ZPBP: variants seen among roughly 807,000 people sequenced by gnomAD.
ZPBP encodes the protein zona pellucida-binding protein 1.
ZPBP carries 26 observed loss-of-function variants against 44.8 expected under a neutral mutation model. That is an observed-to-expected ratio of 0.58 (90% CI 0.43 to 0.81). ZPBP has a LOEUF of 0.81. ZPBP is among the 30% of genes least tolerant of loss of function. ZPBP has a pLI of 0.00. For synonymous variants in ZPBP, 174 were observed against 153.2 expected (o/e 1.14, Z -1.00); for missense variants, 409 against 434.0 (o/e 0.94, Z 0.51).
intron 2 of ZPBP, among the ~76,000 whole-genome samples, chr7:49,896,348 G>A (rs774237081): frequency 6.6e-6 from 1 of 152,036 alleles, no homozygotes; most frequent in East Asian, 1.9e-4. Flanking sequence ...TTCAAAAAAA[G>A]GAAAGTATAA....
intron 1 of ZPBP, among the ~76,000 whole-genome samples, chr7:49,901,878 T>C (rs1030346385): frequency 6.6e-6 from 1 of 151,892 alleles, no homozygotes; most frequent in Non-Finnish European, 1.5e-5. Flanking sequence ...ATGAACACTG[T>C]TTGCTAACAC....
At chr7:50,060,975 G>C (rs1801208041) in intron 3 of ZPBP, among the ~76,000 whole-genome samples, 2 of 152,020 alleles carry the variant, frequency 1.3e-5, no homozygotes, top group Non-Finnish European at 2.9e-5. Context: ...AATCAAGTAG[G>C]GTTTATCCCT....
At chr7:49,903,914 C>T (rs542857490) in intron 1 of ZPBP, among the ~76,000 whole-genome samples, 32 of 152,062 alleles carry the variant, frequency 2.1e-4, no homozygotes, top group Non-Finnish European at 4.4e-4. Flanking sequence ...TTATATTCCG[C>T]CTTGAGGAGG....
intron 2 of ZPBP, among the ~76,000 whole-genome samples, chr7:49,898,565 A>G (rs1329282611): frequency 2.0e-5 from 3 of 151,994 alleles, no homozygotes; most frequent in Non-Finnish European, 4.4e-5. Context: ...CTTACAACAC[A>G]TTACATATGT....
Position 49,940,822 on chromosome 7 carries a change from AT to A in ZPBP, c.962-3201del, listed in dbSNP as rs755724455. ...ACCTTCTGACCTGTATGAGAGTCCC[AT>A]GCCTGTGGGATTGGTTTGTGATGGG... On this transcript the variant is annotated intron_variant, in intron 7 of 7. Coordinates refer to ENST00000046087, the MANE Select transcript of ZPBP (RefSeq NM_007009.3). The A allele has an allele frequency of 1.0e-5, 10 of 985,008 alleles. No homozygotes were observed. In the South Asian group the frequency reaches 2.3e-4, roughly 23 times the overall value. 61.0% of individuals were successfully genotyped at this position (985,008 alleles called of 1,614,324 possible).
chr7:49,938,568 T>C (rs1794714861), intron 7 of ZPBP, among the ~76,000 whole-genome samples: 1 of 151,940 alleles, frequency 6.6e-6, no homozygotes, highest in East Asian at 1.9e-4. Flanking sequence ...TCACACAGTG[T>C]ATCATAGGCA....
intron 7 of ZPBP, chr7:49,944,266 C>T (rs1226669155): frequency 5.7e-6 from 2 of 351,884 alleles, no homozygotes; most frequent in Non-Finnish European, 1.1e-5. Flanking sequence ...ATTCCAGGGG[C>T]TTAATGATCT....
intron 7 of ZPBP, among the ~76,000 whole-genome samples, chr7:49,948,931 G>A (rs994214602): frequency 2.0e-5 from 3 of 152,204 alleles, no homozygotes; most frequent in South Asian, 2.1e-4. Context: ...TGGACTTAAC[G>A]TTTGTGTCCC....
chr7:49,858,036 G>A (rs758189930), intron 2 of ZPBP, among the ~76,000 whole-genome samples: 44 of 152,002 alleles, frequency 2.9e-4, no homozygotes, highest in Non-Finnish European at 5.7e-4. Flanking sequence ...AGCTATACAT[G>A]GTATTTCTAG....
chr7:49,992,025 C>G (rs1797596874), intron 6 of ZPBP, among the ~76,000 whole-genome samples: 1 of 152,028 alleles, frequency 6.6e-6, no homozygotes, highest in Admixed American at 6.6e-5. Context: ...CTAACGATAG[C>G]TATGTCCCTA....
At chr7:49,852,644 C>T (rs1001157679) in intron 2 of ZPBP, among the ~76,000 whole-genome samples, 1 of 152,024 alleles carries the variant, frequency 6.6e-6, no homozygotes, top group African/African-American at 2.4e-5. Context: ...GGTGATGTCT[C>T]ACCTCCCCTC....
intron 2 of ZPBP, among the ~76,000 whole-genome samples, chr7:49,878,559 C>G (rs937972013): frequency 3.3e-5 from 5 of 152,130 alleles, no homozygotes; most frequent in African/African-American, 1.2e-4. Flanking sequence ...CAGCTCTCAA[C>G]GCTCGGTCTA....
At chr7:49,970,665 A>G (rs925210403) in intron 7 of ZPBP, among the ~76,000 whole-genome samples, 12 of 151,736 alleles carry the variant, frequency 7.9e-5, no homozygotes, top group Admixed American at 7.9e-4. Flanking sequence ...AACACTGAAA[A>G]TCACAATATG....
rs530671755 is a variant in ZPBP, at chr7:49,874,432, G to A, written n.510-23918C>T. Among the ~76,000 whole-genome samples, 302 of 151,804 alleles carry A rather than the reference G, an allele frequency of 2.0e-3. 1 individual carries two copies. Among genetic ancestry groups the A allele is most frequent in the South Asian group, 0.011 (51 of 4,808 alleles). ...TATCGTACAGCCTAGGTGTGTAGAAGGCTGTACTATCTAGGTCTGTGCAAG... is the reference window on the plus strand; with the variant it reads ...TATCGTACAGCCTAGGTGTGTAGAAAGCTGTACTATCTAGGTCTGTGCAAG... On this transcript the variant is annotated intron_variant and non_coding_transcript_variant, in intron 2 of 2. Transcript: ENST00000465922.
At chr7:49,845,081 G>A in the ZPBP span, among the ~76,000 whole-genome samples, 2 of 152,256 alleles carry the variant, frequency 1.3e-5, no homozygotes, top group South Asian at 2.1e-4. Context: ...GCTGAACGAT[G>A]AGAACACATG....
At chr7:49,980,446 A>T (rs2128777637) in intron 7 of ZPBP, among the ~76,000 whole-genome samples, 1 of 150,746 alleles carries the variant, frequency 6.6e-6, no homozygotes, top group East Asian at 1.9e-4. Flanking sequence ...TTGCCATAAG[A>T]GGATATTTAA....
At chr7:49,856,493 A>G (rs1790422168) in intron 2 of ZPBP, among the ~76,000 whole-genome samples, 1 of 152,192 alleles carries the variant, frequency 6.6e-6, no homozygotes, top group Non-Finnish European at 1.5e-5. Flanking sequence ...TCTTTTCTTT[A>G]AAAATTACCC....
At chr7:50,028,345 T>C (rs1799430674) in intron 5 of ZPBP, among the ~76,000 whole-genome samples, 1 of 151,572 alleles carries the variant, frequency 6.6e-6, no homozygotes, top group Non-Finnish European at 1.5e-5. Flanking sequence ...AAATACAAAG[T>C]CCTTTCATTA....
intron 6 of ZPBP, among the ~76,000 whole-genome samples, chr7:49,996,041 A>C (rs913032606): frequency 6.6e-6 from 1 of 152,206 alleles, no homozygotes; most frequent in Non-Finnish European, 1.5e-5. Context: ...AAATTAATAA[A>C]TGCTCGAGGT....
Sources: allele counts gnomAD v4.1 joint callset (sites outside exome capture counted in the v4.1 genomes callset), GRCh38; gene constraint gnomAD v4.1.1; transcripts MANE v1.5; gene names NCBI Gene and HGNC (gene_info 2026-07-23, HGNC 2026-07-21).